Variants in PRKACB observed in about 807,000 individuals in gnomAD.
PRKACB encodes the protein cAMP-dependent protein kinase catalytic subunit beta.
In PRKACB, 16 loss-of-function variants were observed where a neutral mutation model predicts 51.4. The observed-to-expected ratio is 0.31, with a 90% CI of 0.21 to 0.47. The LOEUF is 0.47. Ranked by LOEUF, PRKACB falls within the 20% of genes least tolerant of loss-of-function variation. The pLI is 1.00. For missense variants in PRKACB, 309 were observed against 464.5 expected, an observed-to-expected ratio of 0.67 and a Z score of 3.08; for synonymous variants, 147 against 154.4, an observed-to-expected ratio of 0.95 and a Z score of 0.35.
intron 1 of PRKACB, among the ~76,000 whole-genome samples, chr1:84,124,844 A>T (rs2139931): frequency 2.6e-5 from 4 of 152,060 alleles, no homozygotes; most frequent in African/African-American, 9.7e-5. Context: ...TAGTAGATCA[A>T]TGAAATTTTC....
upstream of PRKACB, among the ~76,000 whole-genome samples, chr1:84,140,378 G>A (rs1653285699): frequency 6.6e-6 from 1 of 152,068 alleles, no homozygotes; most frequent in South Asian, 2.1e-4. Context: ...CTAAATGAAA[G>A]AAGCCAATCT....
rs531567203 is a variant in PRKACB at position 84,186,433 on chromosome 1, G to C, written c.560+1251G>C. ...AGGTTTTCACCGTGTTGGCCAGGCT[G>C]GTCTCGAACTCCTGATCTCAAGTGA... On this transcript the variant is annotated intron_variant, in intron 5 of 9. Coordinates refer to ENST00000370685, the MANE Select transcript of PRKACB (RefSeq NM_182948.4). Among the ~76,000 whole-genome samples the C allele has an allele frequency of 2.6e-5, 4 of 152,062 alleles. No homozygotes were observed. In the East Asian group the frequency reaches 7.8e-4, roughly 30 times the overall value.
intron 1 of PRKACB, among the ~76,000 whole-genome samples, chr1:84,096,883 C>T (rs1648963808): frequency 6.6e-6 from 1 of 151,932 alleles, no homozygotes; most frequent in Non-Finnish European, 1.5e-5. Flanking sequence ...TAGAAGGTTC[C>T]CTTGTCCCTC....
chr1:84,143,058 T>G (rs1253009957), upstream of PRKACB, among the ~76,000 whole-genome samples: 1 of 152,062 alleles, frequency 6.6e-6, no homozygotes, highest in Non-Finnish European at 1.5e-5. Context: ...TCCTTTAGTG[T>G]CAAAAAAACA....
chr1:84,199,401 G>A (rs1444791507), intron 7 of PRKACB, among the ~76,000 whole-genome samples: 1 of 151,994 alleles, frequency 6.6e-6, no homozygotes, highest in Non-Finnish European at 1.5e-5. Flanking sequence ...AAAACATGTG[G>A]TATTTGGTTT....
intron 1 of PRKACB, among the ~76,000 whole-genome samples, chr1:84,160,534 A>G (rs973685364): frequency 6.8e-6 from 1 of 147,594 alleles, no homozygotes; most frequent in African/African-American, 2.5e-5. Flanking sequence ...GCTTTTCTAT[A>G]TATTTTACTG....
chr1:84,200,990 A>C (rs1669945988), intron 7 of PRKACB, among the ~76,000 whole-genome samples: 1 of 152,046 alleles, frequency 6.6e-6, no homozygotes, highest in Non-Finnish European at 1.5e-5. Context: ...TTTTTTTATT[A>C]TTATAAATAA....
chr1:84,100,504 A>G (rs990199247), intron 1 of PRKACB, among the ~76,000 whole-genome samples: 6 of 152,234 alleles, frequency 3.9e-5, no homozygotes, highest in African/African-American at 1.4e-4. Context: ...AACCCTATGT[A>G]GTAAGAATAC....
At chr1:84,199,113 A>G (rs933763660) in intron 7 of PRKACB, among the ~76,000 whole-genome samples, 2 of 133,600 alleles carry the variant, frequency 1.5e-5, no homozygotes, top group Non-Finnish European at 3.2e-5. Flanking sequence ...ATGTATATAT[A>G]TGCATATATA....
chr1:84,213,314 C>T (rs1221418872), intron 8 of PRKACB, among the ~76,000 whole-genome samples: 1 of 151,850 alleles, frequency 6.6e-6, no homozygotes, highest in Non-Finnish European at 1.5e-5. Context: ...TTGGTGGTAC[C>T]CATTTTAATT....
intron 5 of PRKACB, among the ~76,000 whole-genome samples, chr1:84,191,011 C>A (rs913277883): frequency 6.6e-6 from 1 of 151,974 alleles, no homozygotes; most frequent in Non-Finnish European, 1.5e-5. Flanking sequence ...TCATTTAGAC[C>A]ATTTACATTC....
In PRKACB at chr1:84,210,301, C is replaced by A. The variant is rs147703709; in HGVS notation, c.907-3852C>A. Among the ~76,000 whole-genome samples the A allele has an allele frequency of 1.8e-3, 271 of 152,216 alleles. 1 individual carries two copies. The highest frequency in any genetic ancestry group is 6.4e-3 in the African/African-American group (265 of 41,544). ...AACACGTTGGGAAGTGTATATATCA[C>A]AAACACCTCTTTTATGTTGTACAAA... On this transcript the variant is annotated intron_variant, in intron 8 of 9. Coordinates refer to ENST00000370685, the MANE Select transcript of PRKACB (RefSeq NM_182948.4).
chr1:84,162,690 T>C (rs1656358391), intron 1 of PRKACB, among the ~76,000 whole-genome samples: 2 of 152,176 alleles, frequency 1.3e-5, no homozygotes, highest in Admixed American at 6.6e-5. Context: ...TACTGTCGTG[T>C]TTTCCTTTAG....
At chr1:84,110,557 G>A (rs975557558) in intron 1 of PRKACB, among the ~76,000 whole-genome samples, 1 of 151,718 alleles carries the variant, frequency 6.6e-6, no homozygotes, top group African/African-American at 2.4e-5. Context: ...TTGTGTTTAC[G>A]CCTCAAATCC....
intron 1 of PRKACB, chr1:84,086,345 T>G: frequency 1.4e-6 from 1 of 692,420 alleles, no homozygotes. Context: ...CAGCCATGAG[T>G]GCTTCTGAGC....
At chr1:84,229,178 A>G (rs1438959419) in intron 9 of PRKACB, among the ~76,000 whole-genome samples, 54 of 137,018 alleles carry the variant, frequency 3.9e-4, no homozygotes, top group South Asian at 4.8e-4. Flanking sequence ...GAGAATATGC[A>G]GTGTTTGGTT....
chr1:84,214,462 C>A, intron 9 of PRKACB, 145 bp downstream of exon 9: 2 of 785,050 alleles, frequency 2.5e-6, no homozygotes, highest in South Asian at 6.3e-5. Context: ...ACTTTACAGC[C>A]CATAACTTAA....
chr1:84,179,312 T>C (rs1662418424), intron 2 of PRKACB, 74 bp downstream of exon 2: 11 of 1,434,522 alleles, frequency 7.7e-6, no homozygotes, highest in Non-Finnish European at 1.0e-5. Flanking sequence ...CTAAGAAATT[T>C]ATTACTTTAG....
At chr1:84,207,729 A>G (rs904726491) in intron 8 of PRKACB, among the ~76,000 whole-genome samples, 1 of 152,160 alleles carries the variant, frequency 6.6e-6, no homozygotes, top group Non-Finnish European at 1.5e-5. Flanking sequence ...TTAAATGATC[A>G]TTTCTCCTGC....
Sources: allele counts gnomAD v4.1 joint callset (sites outside exome capture counted in the v4.1 genomes callset), GRCh38; gene constraint gnomAD v4.1.1; transcripts MANE v1.5; gene names NCBI Gene and HGNC (gene_info 2026-07-23, HGNC 2026-07-21).